The following STON2 variants were observed in gnomAD, a reference collection of about 807,000 sequenced individuals.
STON2 encodes stonin-2.
STON2 carries 29 observed loss-of-function variants against 65.7 expected under a neutral mutation model. The ratio of observed to expected loss-of-function variants is 0.44; its 90% confidence interval spans 0.33 to 0.60. The LOEUF (loss-of-function observed/expected upper bound fraction) is 0.60, where lower values mean the gene tolerates loss of function less well. STON2 is among the 20% of genes least tolerant of loss of function. STON2 has a pLI of 0.03. For missense variants in STON2, 1,054 were observed against 1,118.1 expected (o/e 0.94, Z 0.82); for synonymous variants, 404 against 414.2 (o/e 0.98, Z 0.30).
chr14:81,265,697 T>C lies in STON2; in HGVS notation c.*2717A>G. On this transcript the variant is annotated 3_prime_UTR_variant, in exon 8 of 8. Coordinates refer to ENST00000614646, the MANE Select transcript of STON2 (RefSeq NM_001394390.1). ...TAATACTCTGTCTCAATAATAATAATAATAATAATTTGTTTGCAGAATATA... is the reference window on the plus strand; with the variant it reads ...TAATACTCTGTCTCAATAATAATAACAATAATAATTTGTTTGCAGAATATA... The C allele has an allele frequency of 1.4e-6, 1 of 726,670 alleles. No individual in the cohort carries two copies. The highest frequency in any genetic ancestry group is 1.7e-6 in the Non-Finnish European group (1 of 594,814). The allele number at this position is 726,670 out of a possible 1,614,324, so 45.0% of individuals were successfully genotyped here. A position where few individuals can be genotyped will look rare whatever the true frequency, so the allele number is the denominator to read the frequency against.
chr14:81,298,170 G>T (rs557220317), intron 5 of STON2, among the ~76,000 whole-genome samples: 2 of 152,280 alleles, frequency 1.3e-5, no homozygotes, highest in Non-Finnish European at 2.9e-5. Flanking sequence ...CCTTGTGGGG[G>T]CTCTATAATT....
rs909593946 is a variant in STON2, at chr14:81,265,124, T to A, written c.*3290A>T. The A allele has an allele frequency of 2.0e-6, 2 of 985,220 alleles. No individual in the cohort carries two copies. Among genetic ancestry groups the A allele is most frequent in the East Asian group, 2.3e-4 (2 of 8,808 alleles). The allele number at this position is 985,220 out of a possible 1,614,324, so 61.0% of individuals were successfully genotyped here. ...CAGGTCCAGGGTTGCAAAAGTAGAATCTGCATATCCACAGGTAATTTGCCC... is the reference window on the plus strand; with the variant it reads ...CAGGTCCAGGGTTGCAAAAGTAGAAACTGCATATCCACAGGTAATTTGCCC... On this transcript the variant is annotated 3_prime_UTR_variant, in exon 8 of 8. Transcript: ENST00000614646.
At chr14:81,391,140 GATA>G (rs1900058446) in intron 3 of STON2, among the ~76,000 whole-genome samples, 1 of 152,098 alleles carries the variant, frequency 6.6e-6, no homozygotes, top group African/African-American at 2.4e-5. Flanking sequence ...TCCCAAATAT[GATA>G]ATATTTATAG....
chr14:81,356,762 T>C (rs950033845), intron 4 of STON2, among the ~76,000 whole-genome samples: 1 of 152,222 alleles, frequency 6.6e-6, no homozygotes, highest in African/African-American at 2.4e-5. Flanking sequence ...GAGGAATTTA[T>C]CCATTTCTTC....
intron 3 of STON2, among the ~76,000 whole-genome samples, chr14:81,388,256 T>C (rs994923767): frequency 6.6e-6 from 1 of 152,096 alleles, no homozygotes; most frequent in Non-Finnish European, 1.5e-5. Context: ...CCAATTTTAA[T>C]CATATGTTTC....
chr14:81,430,888 T>G (rs557839464), intron 1 of STON2, among the ~76,000 whole-genome samples: 1 of 152,332 alleles, frequency 6.6e-6, no homozygotes, highest in East Asian at 1.9e-4. Context: ...GTTCAGCATT[T>G]CAAATCCCCC....
At chr14:81,327,683 T>C (rs1165876431) in intron 4 of STON2, among the ~76,000 whole-genome samples, 3 of 152,236 alleles carry the variant, frequency 2.0e-5, no homozygotes, top group East Asian at 1.9e-4. Flanking sequence ...GCTTATACTT[T>C]CCAAAATGAA....
At chr14:81,413,839 G>A (rs2099229102) in intron 2 of STON2, among the ~76,000 whole-genome samples, 1 of 139,892 alleles carries the variant, frequency 7.1e-6, no homozygotes, top group African/African-American at 2.9e-5. Context: ...TGTTGCACAT[G>A]TGAAGAAAAC....
chr14:81,262,677 T>A lies in STON2; in HGVS notation c.*5737A>T. The stretch of plus-strand genomic sequence containing the variant: ...TGGATAGTTTCTGCCTTTACAGGCT[T>A]AGAATTGACAAATTGAGAGACACAT... On this transcript the variant is annotated 3_prime_UTR_variant, in exon 8 of 8. Transcript: ENST00000614646. 2 of 985,490 alleles carry A rather than the reference T, an allele frequency of 2.0e-6. No individual in the cohort carries two copies. The highest frequency in any genetic ancestry group is 9.4e-5 in the South Asian group (2 of 21,292). The allele number at this position is 985,490 out of a possible 1,614,324, so 61.0% of individuals were successfully genotyped here.
At chr14:81,288,798 G>A (rs1313640615) in intron 5 of STON2, among the ~76,000 whole-genome samples, 4 of 150,102 alleles carry the variant, frequency 2.7e-5, no homozygotes, top group African/African-American at 5.0e-5. Flanking sequence ...AAGGGAGAAT[G>A]TATCATAGGA....
chr14:81,301,129 A>G (rs1178736009), intron 5 of STON2, among the ~76,000 whole-genome samples: 1 of 152,144 alleles, frequency 6.6e-6, no homozygotes, highest in African/African-American at 2.4e-5. Flanking sequence ...CACCAACCCC[A>G]TAAGGAAGAT....
At chr14:81,367,495 A>T (rs1566929523) in intron 4 of STON2, among the ~76,000 whole-genome samples, 2 of 152,120 alleles carry the variant, frequency 1.3e-5, no homozygotes, top group Non-Finnish European at 1.5e-5. Flanking sequence ...GCATTTTTAA[A>T]TTCCCTGCTA....
chr14:81,279,621 G>T (rs553743297), intron 5 of STON2, among the ~76,000 whole-genome samples: 116 of 152,190 alleles, frequency 7.6e-4, no homozygotes, highest in Non-Finnish European at 1.4e-3. Context: ...AACCCAGGAG[G>T]CAGAGATAGA....
At chr14:81,270,465 T>G in intron 7 of STON2, 1 of 1,484,560 alleles carries the variant, frequency 6.7e-7, no homozygotes, top group Non-Finnish European at 8.9e-7. Flanking sequence ...CTTTATTTTT[T>G]TCCAACCTTT....
rs936436989 is a variant in STON2, at chr14:81,408,895, T to C, written c.-198-10315A>G. Among the ~76,000 whole-genome samples, 13 of 152,198 alleles carry C rather than the reference T, an allele frequency of 8.5e-5. 1 individual carries two copies. Among genetic ancestry groups the C allele is most frequent in the Admixed American group, 8.5e-4 (13 of 15,280 alleles). On this transcript the variant is annotated intron_variant, in intron 2 of 8. Transcript: ENST00000553821. ...GTCAGGCTTTAAAGTTTGCAAAACA[T>C]TTTCCAGTTCCTTGAACTCTTAGAA...
intron 6 of STON2, among the ~76,000 whole-genome samples, chr14:81,272,090 C>T (rs1894621107): frequency 6.6e-6 from 1 of 152,076 alleles, no homozygotes; most frequent in South Asian, 2.1e-4. Flanking sequence ...GGCGTGGTGG[C>T]GGGCGCCTGT....
At chr14:81,372,550 C>CAAAAAA (rs202208931) in intron 3 of STON2, among the ~76,000 whole-genome samples, 1 of 95,884 alleles carries the variant, frequency 1.0e-5, no homozygotes, top group Non-Finnish European at 2.3e-5. Context: ...AACCCTATCT[C>CAAAAAA]AAAAAAAAAA....
At chr14:81,332,983 A>C (rs1897261621) in intron 4 of STON2, 2 of 509,996 alleles carry the variant, frequency 3.9e-6, no homozygotes, top group Admixed American at 5.7e-5. Context: ...AGCGACACCA[A>C]CTTTGGCCTT....
Position 81,278,322 on chromosome 14 carries a change from G to C in STON2, c.1160C>G (p.Pro387Arg). Residue 387 changes from proline to arginine, a missense_variant, in exon 6 of 8, where the codon CCT (proline) becomes CGT (arginine). Coordinates refer to ENST00000614646, the MANE Select transcript of STON2 (RefSeq NM_001394390.1). ...LQDVQPSPIN[P>R]FSAFFEEQER... ...CTGCTCCTCAAAGAAAGCACTGAAA[G>C]GGTTGATAGGGGAGGGCTGTACATC... is the stretch of plus-strand genomic sequence containing the variant. 1 of 1,614,210 alleles carries C rather than the reference G, an allele frequency of 6.2e-7. No homozygotes were observed. Among genetic ancestry groups the C allele is most frequent in the Non-Finnish European group, 8.5e-7 (1 of 1,180,040 alleles).
Sources: allele counts gnomAD v4.1 joint callset (sites outside exome capture counted in the v4.1 genomes callset), GRCh38; gene constraint gnomAD v4.1.1; transcripts MANE v1.5; gene names NCBI Gene and HGNC (gene_info 2026-07-23, HGNC 2026-07-21).